The following C9orf85 variants were observed in gnomAD, a reference collection of about 807,000 sequenced individuals.
The protein encoded by C9orf85 is uncharacterized protein C9orf85.
C9orf85 carries 16 observed loss-of-function variants against 14.9 expected under a neutral mutation model. That is an observed-to-expected ratio of 1.08 (90% CI 0.73 to 1.63). The LOEUF is 1.63. Ranked by LOEUF, C9orf85 falls within the 40% of genes most tolerant of loss-of-function variation. The pLI, the probability that C9orf85 is intolerant of heterozygous loss-of-function variation, is 0.00. For missense variants in C9orf85, 172 were observed against 186.1 expected (o/e 0.92, Z 0.44); for synonymous variants, 45 against 56.8 (o/e 0.79, Z 0.93).
chr9:71,920,042 G>T (rs1354808716), intron 1 of C9orf85, among the ~76,000 whole-genome samples: 6 of 151,858 alleles, frequency 4.0e-5, no homozygotes, highest in Non-Finnish European at 8.8e-5. Flanking sequence ...GTAGAGACGG[G>T]GTTTCACCAT....
At chr9:71,977,181 T>TA (rs969434171), downstream of C9orf85, among the ~76,000 whole-genome samples, 368 of 148,676 alleles carry the variant, frequency 2.5e-3, 1 homozygote, top group Middle Eastern at 0.01. Context: ...CCCATATCTG[T>TA]AAAAAAAAGT....
chr9:71,949,277 T>C (rs1192813537), intron 2 of C9orf85, among the ~76,000 whole-genome samples: 1 of 152,242 alleles, frequency 6.6e-6, no homozygotes, highest in Non-Finnish European at 1.5e-5. Context: ...TTTAAAAACA[T>C]TCCTGCCTTA....
intron 2 of C9orf85, among the ~76,000 whole-genome samples, chr9:71,956,207 G>A (rs1366777657): frequency 6.7e-6 from 1 of 149,096 alleles, no homozygotes; most frequent in Admixed American, 6.7e-5. Context: ...TAAGCATTGG[G>A]TATCACAATT....
chr9:71,931,591 G>C (rs1828070904), intron 1 of C9orf85, among the ~76,000 whole-genome samples: 1 of 152,150 alleles, frequency 6.6e-6, no homozygotes, highest in Admixed American at 6.5e-5. Flanking sequence ...TTGAGCTCTG[G>C]TTGTAATATT....
intron 2 of C9orf85, among the ~76,000 whole-genome samples, chr9:71,967,940 A>G (rs995579057): frequency 5.3e-5 from 8 of 152,046 alleles, no homozygotes; most frequent in African/African-American, 1.9e-4. Flanking sequence ...GAGTTGTTAT[A>G]AACGGATGTT....
chr9:71,973,101 T>C lies in C9orf85; in HGVS notation c.*259T>C. ...CGGAGATTGAAGTGAGCTGAGTTCG[T>C]GCCATTACACTCCAGCCTGGGTGAC... On this transcript the variant is annotated 3_prime_UTR_variant, in exon 4 of 4. Transcript: ENST00000334731. 2 of 182,630 alleles carry C rather than the reference T, an allele frequency of 1.1e-5. No individual in the cohort carries two copies. The highest frequency in any genetic ancestry group is 2.3e-5 in the Non-Finnish European group (2 of 87,252). 11.3% of individuals were successfully genotyped at this position (182,630 alleles called of 1,614,324 possible).
chr9:71,914,759 A>G (rs1827602481), intron 1 of C9orf85, among the ~76,000 whole-genome samples: 4 of 152,232 alleles, frequency 2.6e-5, no homozygotes. Context: ...TTTCAGCTCA[A>G]TATGAGGGAA....
At chr9:71,930,917 C>G (rs1408386308) in intron 1 of C9orf85, among the ~76,000 whole-genome samples, 1 of 151,542 alleles carries the variant, frequency 6.6e-6, no homozygotes, top group African/African-American at 2.4e-5. Flanking sequence ...CACATTTGGT[C>G]TGACCTTTGA....
At chr9:71,954,814 C>T (rs968094892) in intron 2 of C9orf85, among the ~76,000 whole-genome samples, 3 of 152,090 alleles carry the variant, frequency 2.0e-5, no homozygotes, top group African/African-American at 7.2e-5. Flanking sequence ...GGGAATGCAG[C>T]CCAGTAGGTC....
chr9:71,941,766 A>C (rs1821935395), intron 1 of C9orf85: 7 of 152,206 alleles, frequency 4.6e-5, no homozygotes, highest in Admixed American at 4.6e-4. Flanking sequence ...AACTGACTAC[A>C]TTCAGTGACA....
Position 71,911,767 on chromosome 9 carries a change from CA to C in C9orf85, c.34del (p.Arg12AspfsTer45), listed in dbSNP as rs1564078844. 3.1e-6 allele frequency: 5 copies of C among 1,614,018 alleles called. No individual in the cohort carries two copies. Among genetic ancestry groups the C allele is most frequent in the Admixed American group, 1.7e-5 (1 of 60,004 alleles). ...SSQKGNVARS[R>X]PQKHQNTFSF... ...CCCAGAAAGGCAACGTGGCTCGTTCCAGACCTCAGAAGCACCAGAATACGTT... is the reference window on the plus strand; with the variant it reads ...CCCAGAAAGGCAACGTGGCTCGTTCCGACCTCAGAAGCACCAGAATACGTT... On this transcript the variant is annotated frameshift_variant, in exon 1 of 4. Coordinates refer to ENST00000334731, the MANE Select transcript of C9orf85 (RefSeq NM_182505.5). LOFTEE classifies it high-confidence loss of function.
chr9:71,915,396 G>T (rs1279583922), intron 1 of C9orf85, among the ~76,000 whole-genome samples: 1 of 151,830 alleles, frequency 6.6e-6, no homozygotes, highest in African/African-American at 2.4e-5. Flanking sequence ...GGCCAGGTTG[G>T]TCACTCCTGA....
At chr9:71,928,186 C>CAAAAAAAAAAAAAA (rs58238164) in intron 1 of C9orf85, among the ~76,000 whole-genome samples, 3 of 74,284 alleles carry the variant, frequency 4.0e-5, no homozygotes, top group African/African-American at 1.7e-4. Context: ...GGCTCTGTCT[C>CAAAAAAAAAAAAAA]AAAAAAAAAA....
intron 2 of C9orf85, among the ~76,000 whole-genome samples, chr9:71,965,614 G>A (rs1822668931): frequency 1.3e-5 from 2 of 152,064 alleles, no homozygotes; most frequent in African/African-American, 4.8e-5. Flanking sequence ...TTTGTTTTTT[G>A]TATAGATGGG....
chr9:71,933,080 A>G (rs927628931), intron 1 of C9orf85, among the ~76,000 whole-genome samples: 2 of 152,176 alleles, frequency 1.3e-5, no homozygotes, highest in Non-Finnish European at 2.9e-5. Flanking sequence ...TGAGAAACAT[A>G]AAAGAAAAGA....
intron 2 of C9orf85, among the ~76,000 whole-genome samples, chr9:71,947,701 T>C (rs1404036993): frequency 6.6e-6 from 1 of 152,102 alleles, no homozygotes; most frequent in African/African-American, 2.4e-5. Flanking sequence ...TGGAGTGCAC[T>C]GATGCAATTT....
chr9:71,985,061 T>A (rs1002695185), downstream of C9orf85: 1 of 152,378 alleles, frequency 6.6e-6, no homozygotes, highest in Admixed American at 6.5e-5. Flanking sequence ...CCTCATCAAG[T>A]ACTGGTCCTC....
At chr9:71,953,202 T>C (rs527949921) in intron 2 of C9orf85, among the ~76,000 whole-genome samples, 4 of 152,276 alleles carry the variant, frequency 2.6e-5, no homozygotes, top group Non-Finnish European at 5.9e-5. Context: ...TGAGAAGCCT[T>C]GCTCTGTACC....
chr9:71,935,725 GC>G (rs2132284219), intron 1 of C9orf85, among the ~76,000 whole-genome samples: 1 of 152,136 alleles, frequency 6.6e-6, no homozygotes, highest in South Asian at 2.1e-4. Context: ...AATGATCGTT[GC>G]CAGGGGCTAG....
Sources: gnomAD v4.1 joint callset for allele counts (sites outside exome capture counted in the v4.1 genomes callset) on GRCh38, gnomAD v4.1.1 for gene constraint, MANE v1.5 for transcripts, NCBI Gene and HGNC (gene_info 2026-07-23, HGNC 2026-07-21) for gene names.